C16orf87: variants seen among roughly 807,000 people sequenced by gnomAD.
C16orf87 encodes UPF0547 protein C16orf87.
C16orf87 carries 13 observed loss-of-function variants against 21.0 expected under a neutral mutation model. That is an observed-to-expected ratio of 0.62 (90% confidence interval 0.40 to 0.98). The LOEUF (loss-of-function observed/expected upper bound fraction) is 0.98, where lower values mean the gene tolerates loss of function less well. Among genes scored for constraint, C16orf87 ranks in the 50% least tolerant of loss-of-function variants. C16orf87 has a pLI of 0.00. For missense variants in C16orf87, 113 were observed against 180.4 expected (o/e 0.63, Z 2.14); for synonymous variants, 49 against 60.2 (o/e 0.81, Z 0.86).
At chr16:46,817,636 C>CT (rs1215462521) in intron 2 of C16orf87, among the ~76,000 whole-genome samples, 2 of 151,700 alleles carry the variant, frequency 1.3e-5, no homozygotes, top group Non-Finnish European at 2.9e-5. Flanking sequence ...TGCAGTAAGC[C>CT]GATATCAGGC....
intron 2 of C16orf87, among the ~76,000 whole-genome samples, chr16:46,815,643 T>C (rs893442758): frequency 2.0e-5 from 3 of 152,156 alleles, no homozygotes; most frequent in Non-Finnish European, 4.4e-5. Flanking sequence ...CATGCAAAGA[T>C]GTTCAATATC....
chr16:46,819,096 C>T (rs926464488), intron 2 of C16orf87, among the ~76,000 whole-genome samples: 5 of 152,180 alleles, frequency 3.3e-5, no homozygotes, highest in African/African-American at 7.2e-5. Flanking sequence ...GCCTTTGAGC[C>T]CCTATGCTCC....
chr16:46,809,511 G>C (rs185400479), intron 3 of C16orf87, 92 bp downstream of exon 3: 1 of 732,486 alleles, frequency 1.4e-6, no homozygotes, highest in East Asian at 2.7e-5. Flanking sequence ...TTAAGTCCAG[G>C]AGCTCAATGC....
chr16:46,811,068 A>G (rs1315596540), intron 2 of C16orf87, among the ~76,000 whole-genome samples: 1 of 152,218 alleles, frequency 6.6e-6, no homozygotes, highest in East Asian at 1.9e-4. Context: ...TCACGGGGTA[A>G]CCAAAGGGCA....
intron 2 of C16orf87, among the ~76,000 whole-genome samples, chr16:46,815,652 T>A (rs1421582570): frequency 1.3e-5 from 2 of 152,024 alleles, no homozygotes; most frequent in Non-Finnish European, 2.9e-5. Context: ...ATGTTCAATA[T>A]CACATCAATA....
Position 46,821,758 on chromosome 16 carries a change from G to A in C16orf87, c.163+2628C>T, listed in dbSNP as rs527309722. ...CTTCCTAACTTACAAACTCTGCACCGCGAGCTCATCCATTTTCCATGATGA... is the reference window on the plus strand; with the variant it reads ...CTTCCTAACTTACAAACTCTGCACCACGAGCTCATCCATTTTCCATGATGA... On this transcript the variant is annotated intron_variant, in intron 2 of 3. Coordinates refer to ENST00000285697, the MANE Select transcript of C16orf87 (RefSeq NM_001001436.4). Among the ~76,000 whole-genome samples, 16 of 152,040 alleles carry A rather than the reference G, an allele frequency of 1.1e-4. No homozygotes were observed. In the South Asian group the frequency reaches 2.7e-3, roughly 26 times the overall value.
chr16:46,805,783 G>A (rs1217254983), intron 3 of C16orf87, among the ~76,000 whole-genome samples: 3 of 152,196 alleles, frequency 2.0e-5, no homozygotes, highest in African/African-American at 7.2e-5. Flanking sequence ...TCTCTAATGA[G>A]AGTATCTTTA....
chr16:46,828,335 T>C (rs537792738), intron 1 of C16orf87, among the ~76,000 whole-genome samples: 6 of 152,310 alleles, frequency 3.9e-5, no homozygotes, highest in South Asian at 2.1e-4. Flanking sequence ...ATATTTTATA[T>C]ACATCACATA....
chr16:46,802,795 T>C lies in C16orf87; in HGVS notation c.*157A>G. The C allele has an allele frequency of 1.8e-6, 1 of 570,864 alleles. No homozygotes were observed. Among genetic ancestry groups the C allele is most frequent in the Non-Finnish European group, 3.2e-6 (1 of 315,684 alleles). 35.4% of individuals were successfully genotyped at this position (570,864 alleles called of 1,614,324 possible). A position where few individuals can be genotyped will look rare whatever the true frequency, so the allele number is the denominator to read the frequency against. ...CAGAACAGTCCAAGCCTACACAGCTTTGCTCCCGAAGTGTGGCACAGGCTA... is the reference window on the plus strand; with the variant it reads ...CAGAACAGTCCAAGCCTACACAGCTCTGCTCCCGAAGTGTGGCACAGGCTA... On this transcript the variant is annotated 3_prime_UTR_variant, in exon 4 of 4. Transcript: ENST00000285697.
chr16:46,813,325 T>G (rs964394448), intron 2 of C16orf87, among the ~76,000 whole-genome samples: 4 of 152,136 alleles, frequency 2.6e-5, no homozygotes, highest in Non-Finnish European at 1.5e-5. Context: ...TCAAATAACT[T>G]GTAGTCGTTT....
chr16:46,812,976 C>A (rs950558140), intron 2 of C16orf87, among the ~76,000 whole-genome samples: 3 of 152,172 alleles, frequency 2.0e-5, no homozygotes, highest in African/African-American at 7.2e-5. Flanking sequence ...GTCACTCCTC[C>A]TAATCGCCTT....
Position 46,800,158 on chromosome 16 carries a change from C to A in C16orf87, c.*2794G>T, listed in dbSNP as rs147687048. 2.1e-4 allele frequency: 31 copies of A among 147,434 alleles called. No homozygotes were observed. The highest frequency in any genetic ancestry group is 7.4e-4 in the African/African-American group (30 of 40,392). The allele number at this position is 147,434 out of a possible 1,614,324, so 9.1% of individuals were successfully genotyped here. ...CTATCTGATTACTTTTAGGAAGCAA[C>A]TCAGAGGTCATACTGACCTTTTTTT... On this transcript the variant is annotated 3_prime_UTR_variant, in exon 4 of 4. Transcript: ENST00000285697.
At chr16:46,807,004 C>G (rs1811992180) in intron 3 of C16orf87, among the ~76,000 whole-genome samples, 1 of 152,156 alleles carries the variant, frequency 6.6e-6, no homozygotes, top group African/African-American at 2.4e-5. Context: ...AGAAGCATAT[C>G]CAAGAAATCT....
intron 2 of C16orf87, among the ~76,000 whole-genome samples, chr16:46,813,012 T>C (rs572239383): frequency 6.6e-6 from 1 of 152,280 alleles, no homozygotes; most frequent in Admixed American, 6.5e-5. Context: ...CCCTAGGTGC[T>C]TTCCCAATCT....
chr16:46,829,363 CTTGTT>C (rs1262724821), intron 1 of C16orf87, among the ~76,000 whole-genome samples: 2 of 152,052 alleles, frequency 1.3e-5, no homozygotes, highest in Non-Finnish European at 2.9e-5. Flanking sequence ...AAACGCTGAT[CTTGTT>C]TTGTTGAACA....
chr16:46,810,888 T>C (rs1442074911), intron 2 of C16orf87, among the ~76,000 whole-genome samples: 1 of 152,178 alleles, frequency 6.6e-6, no homozygotes, highest in East Asian at 1.9e-4. Context: ...ATAAAAATAG[T>C]AACTGTAACA....
rs1466876935 is a variant in C16orf87 at position 46,809,587 on chromosome 16, C to T, written c.346+16G>A. Reference sequence around the variant, plus strand: ...AATTTAATACTTGAAAAAAAAACTGCTTGATTTGTTCATACCTCTTTCTTC... The same window carrying T: ...AATTTAATACTTGAAAAAAAAACTGTTTGATTTGTTCATACCTCTTTCTTC... On this transcript the variant is annotated intron_variant, in intron 3 of 3. Transcript: ENST00000285697. 3.2e-6 allele frequency: 5 copies of T among 1,575,106 alleles called. No homozygotes were observed. Among genetic ancestry groups the T allele is most frequent in the Admixed American group, 3.7e-5 (2 of 54,540 alleles).
At chr16:46,816,291 T>A (rs1042107472) in intron 2 of C16orf87, among the ~76,000 whole-genome samples, 1 of 152,134 alleles carries the variant, frequency 6.6e-6, no homozygotes, top group Admixed American at 6.6e-5. Context: ...AAAAACAAGT[T>A]CTGGAATTGG....
chr16:46,819,559 C>T (rs909863536), intron 2 of C16orf87, among the ~76,000 whole-genome samples: 9 of 151,908 alleles, frequency 5.9e-5, no homozygotes, highest in Non-Finnish European at 1.2e-4. Flanking sequence ...ATCCGCCCGC[C>T]TCAGTCTCCT....
Sources: allele counts gnomAD v4.1 joint callset (sites outside exome capture counted in the v4.1 genomes callset), GRCh38; gene constraint gnomAD v4.1.1; transcripts MANE v1.5; gene names NCBI Gene and HGNC (gene_info 2026-07-23, HGNC 2026-07-21).